DNAJC10: variants seen among roughly 807,000 people sequenced by gnomAD.
DNAJC10 encodes DnaJ heat shock protein family (Hsp40) member C10.
In DNAJC10, 101 loss-of-function variants were observed where a neutral mutation model predicts 115.0. The observed-to-expected ratio is 0.88, with a 90% CI of 0.75 to 1.04. The LOEUF (loss-of-function observed/expected upper bound fraction) is 1.04. Ranked by LOEUF, DNAJC10 falls within the 50% of genes least tolerant of loss-of-function variation. The pLI is 0.00. For missense variants in DNAJC10, 981 were observed against 928.8 expected (o/e 1.06, Z -0.73); for synonymous variants, 307 against 301.5 (o/e 1.02, Z -0.19).
chr2:182,741,183 A>G (rs576731256), intron 12 of DNAJC10, 60 bp from the exon 13 acceptor site: 1 of 1,132,706 alleles, frequency 8.8e-7, no homozygotes, highest in East Asian at 2.5e-5. Flanking sequence ...CATAGAAATG[A>G]AGATTAGAAC....
At chr2:182,759,109 T>A (rs1345616305) in intron 20 of DNAJC10, 51 bp from the exon 21 acceptor site, 2 of 1,453,666 alleles carry the variant, frequency 1.4e-6, no homozygotes, top group East Asian at 4.6e-5. Flanking sequence ...GCATTTCATA[T>A]GTTTGCTTTG....
At position 182,788,921 on chromosome 2, in the gene DNAJC10, G is replaced by A; in HGVS notation, c.*11789G>A. ...TTAGAGTTTTTTAAATTGTGATAAA[G>A]TACATGTAACAAAATTTATTAATCA... On this transcript the variant is annotated 3_prime_UTR_variant, in exon 24 of 24. Coordinates refer to ENST00000264065, the MANE Select transcript of DNAJC10 (RefSeq NM_018981.4). 1 of 416,490 alleles carries A rather than the reference G, an allele frequency of 2.4e-6. No individual in the cohort carries two copies. The highest frequency in any genetic ancestry group is 1.8e-5 in the South Asian group (1 of 56,080). The allele number at this position is 416,490 out of a possible 1,614,324, so 25.8% of individuals were successfully genotyped here. A position where few individuals can be genotyped will look rare whatever the true frequency, so the allele number is the denominator to read the frequency against.
At chr2:182,728,191 G>A (rs1693340076) in intron 5 of DNAJC10, among the ~76,000 whole-genome samples, 1 of 152,028 alleles carries the variant, frequency 6.6e-6, no homozygotes, top group South Asian at 2.1e-4. Context: ...CTTACTATTT[G>A]TCTTCTTTAT....
intron 22 of DNAJC10, among the ~76,000 whole-genome samples, chr2:182,767,492 ATCC>A (rs1694443902): frequency 6.6e-6 from 1 of 152,180 alleles, no homozygotes; most frequent in African/African-American, 2.4e-5. Flanking sequence ...CATGGGTCCC[ATCC>A]TCCTGATGGG....
intron 12 of DNAJC10, 129 bp downstream of exon 12, chr2:182,740,517 T>C (rs1271303084): frequency 1.2e-6 from 1 of 847,168 alleles, no homozygotes; most frequent in Non-Finnish European, 1.7e-6. Context: ...CAAAGGATTA[T>C]ATATTAGTCA....
chr2:182,717,352 A>G (rs116350677), intron 2 of DNAJC10, among the ~76,000 whole-genome samples: 1,829 of 152,332 alleles, frequency 0.012, 36 homozygotes, highest in African/African-American at 0.042. Flanking sequence ...ACTATTTTTA[A>G]AAAATGGCCT....
Position 182,777,149 on chromosome 2 carries a change from GA to G in DNAJC10, c.*22del. On this transcript the variant is annotated 3_prime_UTR_variant, in exon 24 of 24. Transcript: ENST00000264065. ...GAACTTTGATAATGTTGAAGATGAA[GA>G]AAAAGTTTAAAAGAAATTCTGACAG... 7.2e-7 allele frequency: 1 copy of G among 1,385,104 alleles called. No homozygotes were observed. Among genetic ancestry groups the G allele is most frequent in the South Asian group, 1.6e-5 (1 of 62,700 alleles). 85.8% of individuals were successfully genotyped at this position (1,385,104 alleles called of 1,614,324 possible).
intron 19 of DNAJC10, among the ~76,000 whole-genome samples, chr2:182,758,467 G>T (rs996496892): frequency 1.3e-5 from 2 of 152,202 alleles, no homozygotes; most frequent in Non-Finnish European, 2.9e-5. Flanking sequence ...GCTGCATTTT[G>T]TAGGTAGTTT....
intron 19 of DNAJC10, 38 bp from the exon 20 acceptor site, chr2:182,758,798 GA>G (rs1247537441): frequency 7.1e-7 from 1 of 1,411,216 alleles, no homozygotes; most frequent in African/African-American, 1.4e-5. Context: ...TCCAATAATA[GA>G]GAATCCTATT....
chr2:182,743,055 C>T (rs952659623), intron 13 of DNAJC10, among the ~76,000 whole-genome samples: 2 of 152,044 alleles, frequency 1.3e-5, no homozygotes, highest in Admixed American at 6.6e-5. Context: ...CCCTATTGGT[C>T]AGGCTGATCT....
chr2:182,735,675 T>C (rs1693564830), intron 10 of DNAJC10, among the ~76,000 whole-genome samples: 1 of 152,120 alleles, frequency 6.6e-6, no homozygotes, highest in South Asian at 2.1e-4. Context: ...TCTATTTGTT[T>C]ACTAACTTGC....
intron 5 of DNAJC10, among the ~76,000 whole-genome samples, chr2:182,727,898 A>G (rs1693331749): frequency 6.6e-6 from 1 of 152,262 alleles, no homozygotes; most frequent in African/African-American, 2.4e-5. Context: ...CAGATAAAAT[A>G]TAAAATGTAC....
chr2:182,740,261 T>C (rs765686302), intron 11 of DNAJC10, 38 bp from the exon 12 acceptor site: 1 of 1,294,114 alleles, frequency 7.7e-7, no homozygotes, highest in African/African-American at 1.6e-5. Flanking sequence ...TAATGAATAT[T>C]TATTCAAAAA....
At chr2:182,727,819 G>A (rs897592808) in intron 5 of DNAJC10, among the ~76,000 whole-genome samples, 1 of 152,148 alleles carries the variant, frequency 6.6e-6, no homozygotes, top group East Asian at 1.9e-4. Flanking sequence ...TCTTGAATGT[G>A]AAAGCACATT....
chr2:182,782,807 G>A lies in DNAJC10; in HGVS notation c.*5675G>A, dbSNP rs989916911. The stretch of plus-strand genomic sequence containing the variant: ...TGCTGAAGTTGCTTATCAGCTTAAG[G>A]AGTTTTTGGGCTGAGATGATGGGGT... On this transcript the variant is annotated 3_prime_UTR_variant, in exon 24 of 24. Coordinates refer to ENST00000264065, the MANE Select transcript of DNAJC10 (RefSeq NM_018981.4). The A allele has an allele frequency of 3.3e-5, 5 of 152,140 alleles. No individual in the cohort carries two copies. Among genetic ancestry groups the A allele is most frequent in the African/African-American group, 1.2e-4 (5 of 41,440 alleles). The allele number at this position is 152,140 out of a possible 1,614,324, so 9.4% of individuals were successfully genotyped here. A position where few individuals can be genotyped will look rare whatever the true frequency, so the allele number is the denominator to read the frequency against.
chr2:182,785,690 G>A lies in DNAJC10; in HGVS notation c.*8558G>A, dbSNP rs1386444881. The A allele has an allele frequency of 6.6e-6, 1 of 152,054 alleles. No homozygotes were observed. Among genetic ancestry groups the A allele is most frequent in the Non-Finnish European group, 1.5e-5 (1 of 67,986 alleles). 9.4% of individuals were successfully genotyped at this position (152,054 alleles called of 1,614,324 possible). A position where few individuals can be genotyped will look rare whatever the true frequency, so the allele number is the denominator to read the frequency against. On this transcript the variant is annotated 3_prime_UTR_variant, in exon 24 of 24. Transcript: ENST00000264065. ...TATAGCTTAAAAGGAAAAAGAAAAA[G>A]AGGCTTTTCAGTCATGAGCCAAATG...
Position 182,780,539 on chromosome 2 carries a change from T to TC in DNAJC10, c.*3410dup, listed in dbSNP as rs1024762421. The TC allele has an allele frequency of 2.0e-5, 3 of 152,270 alleles. No homozygotes were observed. The highest frequency in any genetic ancestry group is 7.2e-5 in the African/African-American group (3 of 41,556). 9.4% of individuals were successfully genotyped at this position (152,270 alleles called of 1,614,324 possible). ...AACGTTTTCTTTATAAGGTAACCAG[T>TC]CCCAGGTATTCCTTCATTGCAATGC... On this transcript the variant is annotated 3_prime_UTR_variant, in exon 24 of 24. Transcript: ENST00000264065.
intron 14 of DNAJC10, among the ~76,000 whole-genome samples, chr2:182,746,324 G>A (rs1693864807): frequency 6.6e-6 from 1 of 152,128 alleles, no homozygotes; most frequent in South Asian, 2.1e-4. Context: ...CTTCTACAAT[G>A]GTTGAACTAG....
chr2:182,756,316 T>C lies in DNAJC10; in HGVS notation c.1656T>C (p.Asp552=), dbSNP rs111236031. The C allele has an allele frequency of 6.2e-7, 1 of 1,610,520 alleles. No individual in the cohort carries two copies. The highest frequency in any genetic ancestry group is 1.7e-4 in the Middle Eastern group (1 of 6,028). ...SAEQILEFIE[D]LMNPSVVSLT... The stretch of plus-strand genomic sequence containing the variant: ...AATGGAAGCTATATTCTCTTCAGGA[T>C]CTTATGAATCCTTCAGTGGTCTCCC... The change falls in exon 18 of 24, where the codon GAT becomes GAC. Residue 552 remains aspartate (D), a splice_region_variant and synonymous_variant. Coordinates refer to ENST00000264065, the MANE Select transcript of DNAJC10 (RefSeq NM_018981.4).
Sources: allele counts gnomAD v4.1 joint callset (sites outside exome capture counted in the v4.1 genomes callset), GRCh38; gene constraint gnomAD v4.1.1; transcripts MANE v1.5; gene names NCBI Gene and HGNC (gene_info 2026-07-23, HGNC 2026-07-21).